The following AS3MT variants were observed in gnomAD, a reference collection of about 807,000 sequenced individuals.
AS3MT encodes arsenite methyltransferase.
AS3MT carries 47 observed loss-of-function variants against 45.3 expected under a neutral mutation model. The observed-to-expected ratio is 1.04, with a 90% CI of 0.82 to 1.32. The LOEUF (loss-of-function observed/expected upper bound fraction) is 1.32. AS3MT is among the 40% of genes most tolerant of loss of function. The pLI is 0.00. For missense variants in AS3MT, 396 were observed against 451.1 expected, an observed-to-expected ratio of 0.88 and a Z score of 1.11; for synonymous variants, 141 against 152.8, an observed-to-expected ratio of 0.92 and a Z score of 0.57.
At chr10:102,883,422 C>G (rs1023662165) in intron 9 of AS3MT, among the ~76,000 whole-genome samples, 2 of 151,882 alleles carry the variant, frequency 1.3e-5, no homozygotes, top group African/African-American at 4.8e-5. Flanking sequence ...TTAAAAACCA[C>G]CAGTCCTTGC....
chr10:102,875,468 C>T (rs1168383464), intron 6 of AS3MT, among the ~76,000 whole-genome samples: 5 of 121,108 alleles, frequency 4.1e-5, no homozygotes, highest in African/African-American at 1.6e-4. Flanking sequence ...CAGAGCGAGA[C>T]TCCATCTCAA....
intron 9 of AS3MT, among the ~76,000 whole-genome samples, chr10:102,890,143 G>A (rs1845045545): frequency 6.6e-6 from 1 of 151,324 alleles, no homozygotes; most frequent in South Asian, 2.1e-4. Context: ...TGGGACAACA[G>A]GCGCCTGCCA....
chr10:102,896,074 C>A (rs1328750062), intron 10 of AS3MT, among the ~76,000 whole-genome samples: 4 of 151,660 alleles, frequency 2.6e-5, no homozygotes, highest in Non-Finnish European at 5.9e-5. Context: ...CCGTGCCCGG[C>A]CAATCCCAGC....
chr10:102,891,948 C>CAAAAAAAA (rs57594880), intron 10 of AS3MT, among the ~76,000 whole-genome samples: 22 of 57,856 alleles, frequency 3.8e-4, no homozygotes, highest in South Asian at 9.2e-4. Context: ...GACTCTGTCT[C>CAAAAAAAA]AAAAAAAAAA....
intron 8 of AS3MT, 43 bp downstream of exon 8, chr10:102,878,553 G>T: frequency 6.2e-7 from 1 of 1,602,422 alleles, no homozygotes; most frequent in Non-Finnish European, 8.5e-7. Flanking sequence ...ACTACAGCTT[G>T]AATGATTGAA....
chr10:102,870,252 C>A, intron 3 of AS3MT, 41 bp downstream of exon 3: 2 of 1,609,616 alleles, frequency 1.2e-6, no homozygotes, highest in Non-Finnish European at 1.7e-6. Flanking sequence ...CCCCAAACAG[C>A]AGTTTTCCCA....
At chr10:102,879,278 G>C (rs1213100761) in intron 9 of AS3MT, among the ~76,000 whole-genome samples, 2 of 151,864 alleles carry the variant, frequency 1.3e-5, no homozygotes, top group Non-Finnish European at 2.9e-5. Context: ...CCCACCTCAG[G>C]CTTCTGAGTA....
At chr10:102,889,599 C>T (rs1257660662) in intron 9 of AS3MT, among the ~76,000 whole-genome samples, 1 of 138,986 alleles carries the variant, frequency 7.2e-6, no homozygotes, top group East Asian at 2.3e-4. Context: ...CTTCCCTTCC[C>T]CTGCCTGTCT....
chr10:102,883,573 C>G (rs576719647), intron 9 of AS3MT, among the ~76,000 whole-genome samples: 1 of 151,830 alleles, frequency 6.6e-6, no homozygotes, highest in African/African-American at 2.4e-5. Flanking sequence ...ATTAGCCGGG[C>G]GTGGTGGCGT....
At chr10:102,887,205 A>G (rs941070317) in intron 9 of AS3MT, among the ~76,000 whole-genome samples, 2 of 152,190 alleles carry the variant, frequency 1.3e-5, no homozygotes, top group African/African-American at 4.8e-5. Context: ...TATGATGTCT[A>G]CTTTTCTGAA....
chr10:102,887,860 T>G (rs535902853), intron 9 of AS3MT: 1 of 152,880 alleles, frequency 6.5e-6, no homozygotes, highest in Admixed American at 6.5e-5. Flanking sequence ...CTTCCTCCTC[T>G]TCTTTTTCCA....
rs1202671891 is a variant in AS3MT at position 102,879,079 on chromosome 10, C to T, written c.885+88C>T. 2.1e-6 allele frequency: 3 copies of T among 1,395,778 alleles called. No homozygotes were observed. The East Asian group carries it at 6.9e-5, about 32-fold the overall frequency. The allele number at this position is 1,395,778 out of a possible 1,614,324, so 86.5% of individuals were successfully genotyped here. A position where few individuals can be genotyped will look rare whatever the true frequency, so the allele number is the denominator to read the frequency against. ...CTTTTCTTGACTTTGCATTGCCTCC[C>T]ATTTTTCTGGTGTTGGTTTGTTTGT... On this transcript the variant is annotated intron_variant, in intron 9 of 10. Transcript: ENST00000369880.
At chr10:102,870,938 T>G (rs1844669672) in intron 3 of AS3MT, among the ~76,000 whole-genome samples, 1 of 152,190 alleles carries the variant, frequency 6.6e-6, no homozygotes, top group Middle Eastern at 3.2e-3. Flanking sequence ...CGATGTTTTA[T>G]CTCGCCTCTC....
intron 9 of AS3MT, among the ~76,000 whole-genome samples, chr10:102,879,646 G>T (rs541003114): frequency 6.6e-6 from 1 of 151,492 alleles, no homozygotes; most frequent in South Asian, 2.1e-4. Context: ...GTGGGTGCCT[G>T]TAATCCCAAC....
intron 10 of AS3MT, among the ~76,000 whole-genome samples, chr10:102,893,560 A>G (rs373627247): frequency 1.4e-5 from 2 of 142,032 alleles, no homozygotes; most frequent in South Asian, 4.4e-4. Flanking sequence ...CAGTGGTGCG[A>G]CCTCGGCTCA....
At chr10:102,878,597 C>G (rs979355854) in intron 8 of AS3MT, 87 bp downstream of exon 8, 2 of 1,515,254 alleles carry the variant, frequency 1.3e-6, no homozygotes, top group Non-Finnish European at 1.8e-6. Flanking sequence ...CTGAAGGAGT[C>G]TCATTGAGGG....
At chr10:102,877,595 G>A (rs1343665885) in intron 7 of AS3MT, among the ~76,000 whole-genome samples, 2 of 150,060 alleles carry the variant, frequency 1.3e-5, no homozygotes, top group African/African-American at 4.9e-5. Context: ...TTACTAAGCT[G>A]GACACAGTGG....
At chr10:102,894,514 T>C (rs1189671709) in intron 10 of AS3MT, among the ~76,000 whole-genome samples, 2 of 152,120 alleles carry the variant, frequency 1.3e-5, no homozygotes, top group African/African-American at 4.8e-5. Context: ...GGCAAAGGCA[T>C]TGCAAAGTTA....
At chr10:102,886,757 G>A (rs745745540) in intron 9 of AS3MT, among the ~76,000 whole-genome samples, 1 of 152,054 alleles carries the variant, frequency 6.6e-6, no homozygotes, top group South Asian at 2.1e-4. Flanking sequence ...CCAAGTAGCT[G>A]GGACTAAGGC....
Sources: allele counts gnomAD v4.1 joint callset (sites outside exome capture counted in the v4.1 genomes callset), GRCh38; gene constraint gnomAD v4.1.1; transcripts MANE v1.5; gene names NCBI Gene and HGNC (gene_info 2026-07-23, HGNC 2026-07-21).